SLC16A12: variants seen among roughly 807,000 people sequenced by gnomAD.
SLC16A12 encodes the protein monocarboxylate transporter 12.
A neutral mutation model predicts 42.4 loss-of-function variants in SLC16A12; 17 were observed. That is an observed-to-expected ratio of 0.40 (90% CI 0.27 to 0.60). The LOEUF is 0.60. Among genes scored for constraint, SLC16A12 ranks in the 20% least tolerant of loss-of-function variants. The pLI, the probability that SLC16A12 is intolerant of heterozygous loss-of-function variation, is 0.42. For synonymous variants in SLC16A12, 224 were observed against 229.4 expected (o/e 0.98, Z 0.21); for missense variants, 544 against 623.0 (o/e 0.87, Z 1.35).
chr10:89,435,420 C>G (rs1841763330), intron 7 of SLC16A12, among the ~76,000 whole-genome samples: 1 of 152,148 alleles, frequency 6.6e-6, no homozygotes, highest in South Asian at 2.1e-4. Context: ...TTCCTTGCCC[C>G]CAGAGCTCAT....
At chr10:89,466,011 T>A (rs1842390365) in intron 2 of SLC16A12, among the ~76,000 whole-genome samples, 1 of 152,180 alleles carries the variant, frequency 6.6e-6, no homozygotes, top group African/African-American at 2.4e-5. Flanking sequence ...GGAAGCTAGT[T>A]TGAGGACAAA....
At chr10:89,554,064 GA>G (rs1564607128) in intron 2 of SLC16A12, among the ~76,000 whole-genome samples, 9 of 97,850 alleles carry the variant, frequency 9.2e-5, no homozygotes, top group East Asian at 3.1e-4. Flanking sequence ...AAGAAAGAAA[GA>G]AAGAAAGAAA....
In SLC16A12 at chr10:89,498,107, G is replaced by A. The variant is rs1201459850; in HGVS notation, c.-46-35483C>T. Among the ~76,000 whole-genome samples the A allele has an allele frequency of 1.3e-5, 2 of 152,132 alleles. 1 individual carries two copies. Among genetic ancestry groups the A allele is most frequent in the East Asian group, 3.9e-4 (2 of 5,188 alleles). The stretch of plus-strand genomic sequence containing the variant: ...GGCAGAGCCCACAAGTTCAAGACTA[G>A]CCTGGGCAACATGGCGAAACCCAAA... On this transcript the variant is annotated intron_variant, in intron 2 of 7. Coordinates refer to ENST00000371790, the MANE Select transcript of SLC16A12 (RefSeq NM_213606.4).
intron 2 of SLC16A12, among the ~76,000 whole-genome samples, chr10:89,529,873 GCTATAT>G (rs1331337042): frequency 6.6e-6 from 1 of 152,088 alleles, no homozygotes; most frequent in Non-Finnish European, 1.5e-5. Flanking sequence ...AGTGACTAAT[GCTATAT>G]CTATAAGAGG....
intron 2 of SLC16A12, among the ~76,000 whole-genome samples, chr10:89,530,199 T>C (rs1843522557): frequency 6.6e-6 from 1 of 152,178 alleles, no homozygotes; most frequent in Admixed American, 6.5e-5. Flanking sequence ...TATTGGAGCT[T>C]GTGAAAAAAC....
intron 2 of SLC16A12, among the ~76,000 whole-genome samples, chr10:89,473,268 A>G (rs1357906043): frequency 6.6e-6 from 1 of 152,230 alleles, no homozygotes; most frequent in Non-Finnish European, 1.5e-5. Context: ...GACTTGTTCT[A>G]AAACCAGAGT....
chr10:89,544,551 TTC>T (rs1843732343), intron 2 of SLC16A12, among the ~76,000 whole-genome samples: 1 of 152,268 alleles, frequency 6.6e-6, no homozygotes, highest in South Asian at 2.1e-4. Context: ...AGTTTTAATA[TTC>T]TGTTTCTCCA....
At chr10:89,482,307 A>G (rs1842676812) in intron 2 of SLC16A12, among the ~76,000 whole-genome samples, 1 of 152,050 alleles carries the variant, frequency 6.6e-6, no homozygotes, top group Non-Finnish European at 1.5e-5. Flanking sequence ...GTACAAAGTT[A>G]ACATATATTC....
At chr10:89,487,384 TTGTCGG>T (rs1272026860) in intron 2 of SLC16A12, among the ~76,000 whole-genome samples, 2 of 152,098 alleles carry the variant, frequency 1.3e-5, no homozygotes, top group Non-Finnish European at 2.9e-5. Context: ...CTCTCATACA[TTGTCGG>T]TGGGAATGTA....
chr10:89,479,388 G>A (rs1842629927), intron 2 of SLC16A12, among the ~76,000 whole-genome samples: 1 of 152,148 alleles, frequency 6.6e-6, no homozygotes, highest in South Asian at 2.1e-4. Context: ...TAAAATAGGG[G>A]AAGATGCCCT....
At chr10:89,542,620 T>C (rs1843721740) in intron 2 of SLC16A12, among the ~76,000 whole-genome samples, 2 of 152,148 alleles carry the variant, frequency 1.3e-5, no homozygotes, top group Admixed American at 1.3e-4. Flanking sequence ...ATTTTCTTAA[T>C]AGTTTTATCT....
intron 3 of SLC16A12, among the ~76,000 whole-genome samples, chr10:89,447,840 A>T (rs1842028921): frequency 6.6e-6 from 1 of 152,200 alleles, no homozygotes; most frequent in South Asian, 2.1e-4. Flanking sequence ...TGAAAAGATC[A>T]ACAAATAGAT....
intron 2 of SLC16A12, among the ~76,000 whole-genome samples, chr10:89,488,340 G>A (rs779907252): frequency 4.6e-5 from 7 of 152,070 alleles, no homozygotes; most frequent in Non-Finnish European, 8.8e-5. Context: ...GCACTGATTT[G>A]TGGTCAGTGC....
chr10:89,543,124 G>T (rs1313074483), intron 2 of SLC16A12, among the ~76,000 whole-genome samples: 1 of 152,198 alleles, frequency 6.6e-6, no homozygotes, highest in Non-Finnish European at 1.5e-5. Flanking sequence ...GATGCTTAAT[G>T]GTTAGAGAGA....
chr10:89,530,745 G>A (rs1732437087), intron 2 of SLC16A12, among the ~76,000 whole-genome samples: 1 of 151,990 alleles, frequency 6.6e-6, no homozygotes, highest in Non-Finnish European at 1.5e-5. Context: ...TTACAATGTT[G>A]TGCAACCACC....
chr10:89,516,748 T>A (rs1205689267), intron 2 of SLC16A12, among the ~76,000 whole-genome samples: 1 of 152,232 alleles, frequency 6.6e-6, no homozygotes, highest in Non-Finnish European at 1.5e-5. Flanking sequence ...TATTTTCAGT[T>A]TGAGTCCCAA....
At chr10:89,470,632 G>A (rs1420247267) in intron 2 of SLC16A12, among the ~76,000 whole-genome samples, 4 of 152,222 alleles carry the variant, frequency 2.6e-5, no homozygotes, top group African/African-American at 9.6e-5. Flanking sequence ...TAAGCCAGAT[G>A]GAAATCATAG....
intron 2 of SLC16A12, among the ~76,000 whole-genome samples, chr10:89,509,160 A>G (rs1843121326): frequency 6.6e-6 from 1 of 152,234 alleles, no homozygotes; most frequent in Admixed American, 6.5e-5. Flanking sequence ...GAATTCTACC[A>G]GAGTTATAAA....
At chr10:89,509,671 A>C (rs1039691260) in intron 2 of SLC16A12, among the ~76,000 whole-genome samples, 3 of 152,228 alleles carry the variant, frequency 2.0e-5, no homozygotes, top group African/African-American at 7.2e-5. Context: ...TTCCCTTTTA[A>C]AACTGGCACA....
Sources: allele counts gnomAD v4.1 joint callset (sites outside exome capture counted in the v4.1 genomes callset), GRCh38; gene constraint gnomAD v4.1.1; transcripts MANE v1.5; gene names NCBI Gene and HGNC (gene_info 2026-07-23, HGNC 2026-07-21).